Variants in CYP4Z1 observed in about 807,000 individuals in gnomAD.
The protein encoded by CYP4Z1 is cytochrome P450 4Z1.
CYP4Z1 carries 41 observed loss-of-function variants against 54.2 expected under a neutral mutation model. The ratio of observed to expected loss-of-function variants is 0.76; its 90% CI spans 0.59 to 0.98. CYP4Z1 has a LOEUF of 0.98. Among genes scored for constraint, CYP4Z1 ranks in the 50% least tolerant of loss-of-function variants. The pLI, the probability that CYP4Z1 is intolerant of heterozygous loss-of-function variation, is 0.00. For synonymous variants in CYP4Z1, 163 were observed against 206.2 expected (o/e 0.79, Z 1.79); for missense variants, 513 against 599.0 (o/e 0.86, Z 1.50).
chr1:47,079,524 G>A (rs1395603480), intron 2 of CYP4Z1, among the ~76,000 whole-genome samples: 2 of 152,202 alleles, frequency 1.3e-5, no homozygotes, highest in African/African-American at 2.4e-5. Flanking sequence ...ACACTTATTA[G>A]CCTTAAATGT....
intron 6 of CYP4Z1, among the ~76,000 whole-genome samples, chr1:47,093,905 C>A (rs547407245): frequency 6.6e-6 from 1 of 152,286 alleles, no homozygotes; most frequent in South Asian, 2.1e-4. Flanking sequence ...TTCCAGGAGC[C>A]TTTTGGCAGA....
At chr1:47,107,819 T>A (rs557271461) in intron 9 of CYP4Z1, among the ~76,000 whole-genome samples, 27 of 152,306 alleles carry the variant, frequency 1.8e-4, no homozygotes, top group African/African-American at 6.3e-4. Context: ...TTTTTCCCAT[T>A]CAGGTCCTTT....
At chr1:47,089,522 C>T (rs1488017693) in intron 6 of CYP4Z1, among the ~76,000 whole-genome samples, 3 of 150,010 alleles carry the variant, frequency 2.0e-5, no homozygotes, top group South Asian at 2.1e-4. Context: ...TGGTAATGCA[C>T]AGCGACACCT....
At position 47,094,772 on chromosome 1, in the gene CYP4Z1, C is replaced by T. The variant is rs7549836; in HGVS notation, c.876+103C>T. The stretch of plus-strand genomic sequence containing the variant: ...ACCTGTAATCCAGCATTTTGGGAGG[C>T]CAAGGCGGGCAGATCACTTGAGGTC... On this transcript the variant is annotated intron_variant, in intron 7 of 11. Coordinates refer to ENST00000334194, the MANE Select transcript of CYP4Z1 (RefSeq NM_178134.3). 56,230 of 658,698 alleles carry T rather than the reference C, an allele frequency of 0.085. 2,973 individuals are homozygous for T. The highest frequency in any genetic ancestry group is 0.22 in the East Asian group (6,734 of 31,204). 40.8% of individuals were successfully genotyped at this position (658,698 alleles called of 1,614,324 possible).
intron 9 of CYP4Z1, among the ~76,000 whole-genome samples, chr1:47,106,765 A>G (rs1398417816): frequency 1.3e-5 from 2 of 152,106 alleles, no homozygotes; most frequent in African/African-American, 4.8e-5. Context: ...CTGAAGGCCA[A>G]CCTTTGTGTT....
In CYP4Z1 at chr1:47,099,345, C is replaced by G. The variant is rs141419480; in HGVS notation, c.1067+61C>G. 12 of 1,436,142 alleles carry G rather than the reference C, an allele frequency of 8.4e-6. No homozygotes were observed. In the East Asian group the frequency reaches 2.7e-4, roughly 32 times the overall value. 89.0% of individuals were successfully genotyped at this position (1,436,142 alleles called of 1,614,324 possible). Reference sequence around the variant, plus strand: ...CCCTTATACATTTGATTATTTCTCTCTTCCGGTATCAGTAAGTTATTGTGC... The same window carrying G: ...CCCTTATACATTTGATTATTTCTCTGTTCCGGTATCAGTAAGTTATTGTGC... On this transcript the variant is annotated intron_variant, in intron 8 of 11. Coordinates refer to ENST00000334194, the MANE Select transcript of CYP4Z1 (RefSeq NM_178134.3).
chr1:47,092,056 C>T (rs1644642139), intron 6 of CYP4Z1, among the ~76,000 whole-genome samples: 1 of 152,008 alleles, frequency 6.6e-6, no homozygotes, highest in African/African-American at 2.4e-5. Context: ...CCCATCAGTC[C>T]TGCTGGACCA....
rs775060043 is a variant in CYP4Z1, at chr1:47,099,267, T to C, written c.1050T>C (p.Asp350=). 5.0e-6 allele frequency: 8 copies of C among 1,610,650 alleles called. No homozygotes were observed. The highest frequency in any genetic ancestry group is 1.7e-4 in the Middle Eastern group (1 of 6,044). Residue 350 remains aspartate (D), a synonymous_variant, in exon 8 of 12, where the codon GAT becomes GAC. Coordinates refer to ENST00000334194, the MANE Select transcript of CYP4Z1 (RefSeq NM_178134.3). ...ATGAAATCAGGGAACTCCTAGGGGA[T>C]GGGTCTTCTATTACCTGGTAAGACC... is the stretch of plus-strand genomic sequence containing the variant. ...CRDEIRELLG[D]GSSITWEHLS... is the part of the protein sequence containing the mutation.
the CYP4Z1 span, among the ~76,000 whole-genome samples, chr1:47,057,504 A>T: frequency 1.4e-4 from 17 of 122,718 alleles, no homozygotes; most frequent in Non-Finnish European, 1.6e-4. Context: ...AGCTTTTTTC[A>T]TTTTTTTTTT....
intron 2 of CYP4Z1, among the ~76,000 whole-genome samples, chr1:47,076,841 T>A: frequency 5.3e-5 from 1 of 18,818 alleles, no homozygotes; most frequent in African/African-American, 2.8e-4. Context: ...CCAGACGCTG[T>A]CTCAAAAAAA....
intron 9 of CYP4Z1, among the ~76,000 whole-genome samples, chr1:47,111,857 G>C (rs1288653474): frequency 6.6e-6 from 1 of 152,098 alleles, no homozygotes; most frequent in Non-Finnish European, 1.5e-5. Flanking sequence ...GGAGTTTTTT[G>C]TTTAATCCAT....
chr1:47,061,685 G>A, the CYP4Z1 span, among the ~76,000 whole-genome samples: 1 of 152,094 alleles, frequency 6.6e-6, no homozygotes, highest in Non-Finnish European at 1.5e-5. Flanking sequence ...CATTCTATAA[G>A]ACCAGCATCA....
chr1:47,103,089 T>C (rs1006600499), intron 8 of CYP4Z1, among the ~76,000 whole-genome samples: 3 of 152,040 alleles, frequency 2.0e-5, no homozygotes, highest in Non-Finnish European at 2.9e-5. Flanking sequence ...TCTGAGATTC[T>C]TTCTTCTGCT....
chr1:47,079,324 C>T (rs1174375527), intron 2 of CYP4Z1, among the ~76,000 whole-genome samples: 1 of 152,056 alleles, frequency 6.6e-6, no homozygotes, highest in Non-Finnish European at 1.5e-5. Flanking sequence ...AAGTGTGCAC[C>T]TGGTTGCTGT....
At chr1:47,084,409 A>C (rs1262042685) in intron 4 of CYP4Z1, among the ~76,000 whole-genome samples, 6 of 151,794 alleles carry the variant, frequency 4.0e-5, no homozygotes, top group African/African-American at 1.5e-4. Flanking sequence ...CTATTTCCCC[A>C]CCCTTACAAA....
intron 3 of CYP4Z1, among the ~76,000 whole-genome samples, chr1:47,081,953 T>C (rs1644557994): frequency 6.7e-6 from 1 of 149,284 alleles, no homozygotes; most frequent in African/African-American, 2.5e-5. Flanking sequence ...GGGACCCTTG[T>C]CATAACTCAA....
chr1:47,056,028 A>G, the CYP4Z1 span, among the ~76,000 whole-genome samples: 1 of 151,878 alleles, frequency 6.6e-6, no homozygotes, highest in Admixed American at 6.6e-5. Context: ...TCAATTTTAT[A>G]TCTTTCCTGC....
chr1:47,101,563 T>G (rs544885657), intron 8 of CYP4Z1, among the ~76,000 whole-genome samples: 2 of 152,220 alleles, frequency 1.3e-5, no homozygotes, highest in African/African-American at 4.8e-5. Context: ...GTTTCTAGAG[T>G]TCCTCTTATT....
In CYP4Z1 at chr1:47,067,620, C is replaced by T. The variant is rs1284298719; in HGVS notation, c.130C>T (p.His44Tyr). The T allele has an allele frequency of 6.2e-7, 1 of 1,612,526 alleles. No homozygotes were observed. The highest frequency in any genetic ancestry group is 8.5e-7 in the Non-Finnish European group (1 of 1,179,206). Residue 44 changes from histidine (H) to tyrosine (Y), a missense_variant, in exon 1 of 12, where the codon CAC becomes TAC. By Grantham distance (83) the His-to-Tyr change is moderately conservative. Coordinates refer to ENST00000334194, the MANE Select transcript of CYP4Z1 (RefSeq NM_178134.3). ...QRRRWMIRAL[H>Y]LFPAPPAHWF... ...GAGGAGATGGATGATCAGAGCCCTGCACCTGTTTCCTGCACCCCCTGCCCA... is the reference window on the plus strand; with the variant it reads ...GAGGAGATGGATGATCAGAGCCCTGTACCTGTTTCCTGCACCCCCTGCCCA...
Sources: allele counts gnomAD v4.1 joint callset (sites outside exome capture counted in the v4.1 genomes callset), GRCh38; gene constraint gnomAD v4.1.1; transcripts MANE v1.5; gene names NCBI Gene and HGNC (gene_info 2026-07-23, HGNC 2026-07-21).